The following FUBP3 variants were observed in gnomAD, a reference collection of about 807,000 sequenced individuals.
FUBP3 encodes far upstream element-binding protein 3.
In FUBP3, 28 loss-of-function variants were observed where a neutral mutation model predicts 85.6. That is an observed-to-expected ratio of 0.33 (90% CI 0.24 to 0.45). The LOEUF (loss-of-function observed/expected upper bound fraction) is 0.45, where lower values mean the gene tolerates loss of function less well. Among genes scored for constraint, FUBP3 ranks in the 20% least tolerant of loss-of-function variants. FUBP3 has a pLI of 1.00. For synonymous variants in FUBP3, 271 were observed against 271.4 expected, an observed-to-expected ratio of 1.00 and a Z score of 0.01; for missense variants, 583 against 755.1, an observed-to-expected ratio of 0.77 and a Z score of 2.67.
intron 16 of FUBP3, among the ~76,000 whole-genome samples, chr9:130,634,087 G>A (rs959826441): frequency 1.1e-4 from 16 of 152,234 alleles, no homozygotes; most frequent in South Asian, 2.1e-4. Flanking sequence ...GTTTCTCCGC[G>A]TCCCCCAGTC....
intron 3 of FUBP3, among the ~76,000 whole-genome samples, chr9:130,611,823 A>G (rs1261778966): frequency 4.6e-5 from 7 of 152,080 alleles, no homozygotes; most frequent in Non-Finnish European, 1.0e-4. Context: ...AAAAAGGCAC[A>G]TAATGGATGG....
rs1222993080 is a variant in FUBP3, at chr9:130,635,176, G to A, written c.1582+438G>A. Among the ~76,000 whole-genome samples the A allele has an allele frequency of 6.6e-6, 1 of 152,140 alleles. No individual in the cohort carries two copies. The highest frequency in any genetic ancestry group is 1.5e-5 in the Non-Finnish European group (1 of 68,038). On this transcript the variant is annotated intron_variant, in intron 17 of 18. Coordinates refer to ENST00000319725, the MANE Select transcript of FUBP3 (RefSeq NM_003934.2). This position sits in a 1 kb window ranked among gnomAD's most constrained non-coding sequence, Gnocchi z 4.3. ...GAGGTGGTGAGATTCAGGGAAGGAG[G>A]CCTTACCTGGGCATTGGAGCTGGGT...
Position 130,604,552 on chromosome 9 carries a change from C to A in FUBP3, c.191-5402C>A, listed in dbSNP as rs182127347. On this transcript the variant is annotated intron_variant, in intron 2 of 18. Coordinates refer to ENST00000319725, the MANE Select transcript of FUBP3 (RefSeq NM_003934.2). ...CATCTGTACAATGGACCTGATGATA[C>A]CTGCCTCATCAGATTATCATGAGGG... is the stretch of plus-strand genomic sequence containing the variant. Among the ~76,000 whole-genome samples, 628 of 152,266 alleles carry A rather than the reference C, an allele frequency of 4.1e-3. 4 individuals are homozygous for A. The highest frequency in any genetic ancestry group is 6.6e-3 in the Non-Finnish European group (446 of 68,016).
At chr9:130,621,093 A>G (rs569209183) in intron 9 of FUBP3, among the ~76,000 whole-genome samples, 27 of 152,346 alleles carry the variant, frequency 1.8e-4, no homozygotes, top group Non-Finnish European at 3.4e-4. Flanking sequence ...AATGTATGTA[A>G]TGTCATTGAA....
rs543993558 is a variant in FUBP3, at chr9:130,633,759, G to A, written c.1511-908G>A. ...TCGCCCTGCCCCTGTGGGAGGAAGC[G>A]GGGCGTCTCCTTCCCTCCTTCCTCC... On this transcript the variant is annotated intron_variant, in intron 16 of 18. Coordinates refer to ENST00000319725, the MANE Select transcript of FUBP3 (RefSeq NM_003934.2). 2.6e-3 allele frequency among the ~76,000 whole-genome samples: 400 copies of A among 152,306 alleles called. 1 individual carries two copies. The highest frequency in any genetic ancestry group is 4.2e-3 in the Non-Finnish European group (285 of 68,024).
At chr9:130,634,864 T>A in intron 17 of FUBP3, 126 bp downstream of exon 17, 1 of 741,958 alleles carries the variant, frequency 1.3e-6, no homozygotes, top group African/African-American at 1.7e-5. Context: ...ATCTCATTAT[T>A]TGCCTTCGTC....
chr9:130,599,379 G>A (rs79902411), intron 2 of FUBP3, among the ~76,000 whole-genome samples: 96 of 124,694 alleles, frequency 7.7e-4, no homozygotes, highest in Non-Finnish European at 1.4e-3. Context: ...GTGTGTGTGT[G>A]TGTGTATATA....
At chr9:130,588,038 G>A in intron 1 of FUBP3, among the ~76,000 whole-genome samples, 1 of 152,080 alleles carries the variant, frequency 6.6e-6, no homozygotes, top group Middle Eastern at 3.2e-3. Context: ...AGGATCAGCC[G>A]GGGCCCCATC....
At position 130,588,497 on chromosome 9, in the gene FUBP3, G is replaced by T. The variant is rs1210174367; in HGVS notation, c.85-6986G>T. On this transcript the variant is annotated intron_variant, in intron 1 of 18. Transcript: ENST00000319725. The stretch of plus-strand genomic sequence containing the variant: ...AGTGAGCTATAAACTTATGATCCAT[G>T]TATTTTTCTGTGTCATTGTTCTGCA... 2.0e-5 allele frequency among the ~76,000 whole-genome samples: 3 copies of T among 152,072 alleles called. No individual in the cohort carries two copies. In the East Asian group the frequency reaches 5.8e-4, roughly 29 times the overall value.
In FUBP3 at chr9:130,622,755, G is replaced by A. The variant is rs1351653122; in HGVS notation, c.819G>A (p.Gly273=). 1 of 1,603,328 alleles carries A rather than the reference G, an allele frequency of 6.2e-7. No homozygotes were observed. Residue 273 remains glycine (G), a synonymous_variant, in exon 10 of 19, where the codon GGG becomes GGA. Transcript: ENST00000319725. ...TGGGGATTGTAATAGGAAGAAACGG[G>A]GAAATGATCAAAAAGATCCAGAATG... The part of the protein sequence containing the change: ...FAVGIVIGRN[G]EMIKKIQNDA...
Position 130,622,734 on chromosome 9 carries a change from G to A in FUBP3, c.798G>A (p.Gly266=), listed in dbSNP as rs775452429. 1.3e-6 allele frequency: 2 copies of A among 1,596,116 alleles called. No individual in the cohort carries two copies. The highest frequency in any genetic ancestry group is 1.7e-6 in the Non-Finnish European group (2 of 1,166,120). The change falls in exon 10 of 19, where the codon GGG becomes GGA. Residue 266 remains glycine (G), a synonymous_variant. Transcript: ENST00000319725. The part of the protein sequence containing the change: ...IEVSVPRFAV[G]IVIGRNGEMI... ...TATCTGTGCCTAGGTTTGCTGTGGG[G>A]ATTGTAATAGGAAGAAACGGGGAAA...
At chr9:130,589,705 ATTTTTTTT>A (rs779633795) in intron 1 of FUBP3, among the ~76,000 whole-genome samples, 9 of 73,828 alleles carry the variant, frequency 1.2e-4, no homozygotes, top group East Asian at 9.9e-4. Flanking sequence ...ATATATATAT[ATTTTTTTT>A]TTTTTTTTTT....
At chr9:130,608,638 A>G (rs970186954) in intron 2 of FUBP3, among the ~76,000 whole-genome samples, 2 of 152,224 alleles carry the variant, frequency 1.3e-5, no homozygotes, top group Admixed American at 1.3e-4. Context: ...GAAAATTTTA[A>G]GAGTCAGTAA....
In FUBP3 at chr9:130,579,617, A is replaced by G; in HGVS notation, c.-64A>G. The G allele has an allele frequency of 9.7e-7, 1 of 1,036,242 alleles. No homozygotes were observed. The highest frequency in any genetic ancestry group is 3.6e-4 in the Middle Eastern group (1 of 2,800). 64.2% of individuals were successfully genotyped at this position (1,036,242 alleles called of 1,614,324 possible). A position where few individuals can be genotyped will look rare whatever the true frequency, so the allele number is the denominator to read the frequency against. Reference sequence around the variant, plus strand: ...GTCCCCAAGCGGAGCGGGAGGCCGGACCGGGGAGCCGAGCGGCGGCGTCGG... The same window carrying G: ...GTCCCCAAGCGGAGCGGGAGGCCGGGCCGGGGAGCCGAGCGGCGGCGTCGG... On this transcript the variant is annotated 5_prime_UTR_variant, in exon 1 of 19. Coordinates refer to ENST00000319725, the MANE Select transcript of FUBP3 (RefSeq NM_003934.2).
chr9:130,620,892 C>T (rs1365636301), intron 9 of FUBP3, among the ~76,000 whole-genome samples: 1 of 152,170 alleles, frequency 6.6e-6, no homozygotes, highest in Non-Finnish European at 1.5e-5. Flanking sequence ...TGCAATAAGA[C>T]AGATACAGAA....
At chr9:130,597,712 C>T (rs376212384) in intron 2 of FUBP3, among the ~76,000 whole-genome samples, 2 of 152,302 alleles carry the variant, frequency 1.3e-5, no homozygotes, top group Non-Finnish European at 1.5e-5. Context: ...TCAAATTCTA[C>T]ACGTGGAGAA....
intron 11 of FUBP3, chr9:130,626,158 G>A (rs1829962941): frequency 7.2e-6 from 4 of 557,264 alleles, no homozygotes; most frequent in East Asian, 2.9e-5. Flanking sequence ...ACGTGTGTTC[G>A]TCTGCACAGG....
chr9:130,605,256 C>T (rs952311399), intron 2 of FUBP3, among the ~76,000 whole-genome samples: 5 of 152,314 alleles, frequency 3.3e-5, no homozygotes, highest in East Asian at 1.9e-4. Flanking sequence ...TTCTGCCTTC[C>T]CTGCTAGACT....
At position 130,631,962 on chromosome 9, in the gene FUBP3, C is replaced by T; in HGVS notation, c.1373C>T (p.Ser458Phe). The change falls in exon 15 of 19, where the codon TCC (serine) becomes TTC (phenylalanine). Residue 458 changes from serine (S) to phenylalanine (F), a missense_variant. Around this residue, in one of 3 missense-constraint regions of FUBP3, gnomAD observed 404 missense variants for 516.8 expected, o/e 0.78. Coordinates refer to ENST00000319725, the MANE Select transcript of FUBP3 (RefSeq NM_003934.2). ...CCCAGTACCTTTCCTCCAAGGAGCTCCGGGTGCTTCCCAAACATGGCTGCC... is the reference window on the plus strand; with the variant it reads ...CCCAGTACCTTTCCTCCAAGGAGCTTCGGGTGCTTCCCAAACATGGCTGCC... ...PHQNTFPPRS[S>F]GCFPNMAAKV... 6.2e-7 allele frequency: 1 copy of T among 1,613,338 alleles called. No individual in the cohort carries two copies. Among genetic ancestry groups the T allele is most frequent in the East Asian group, 2.2e-5 (1 of 44,878 alleles).
Sources: allele counts gnomAD v4.1 joint callset (sites outside exome capture counted in the v4.1 genomes callset), GRCh38; gene constraint gnomAD v4.1.1; regional missense constraint gnomAD v4.1.1; non-coding constraint Gnocchi (gnomAD v3.1); transcripts MANE v1.5; gene names NCBI Gene and HGNC (gene_info 2026-07-23, HGNC 2026-07-21).